The following PRDM1 variants were observed in gnomAD, a reference collection of about 807,000 sequenced individuals.
The protein encoded by PRDM1 is PR domain zinc finger protein 1.
PRDM1 carries 13 observed loss-of-function variants against 62.8 expected under a neutral mutation model. The observed-to-expected ratio is 0.21, with a 90% confidence interval of 0.13 to 0.33. The LOEUF is 0.33. Ranked by LOEUF, PRDM1 falls within the 10% of genes least tolerant of loss-of-function variation. The probability of loss-of-function intolerance (pLI) is 1.00; values close to 1 mark genes in which losing one functional copy is unlikely to be tolerated. For synonymous variants in PRDM1, 396 were observed against 417.6 expected, an observed-to-expected ratio of 0.95 and a Z score of 0.63; for missense variants, 895 against 1,058.8, an observed-to-expected ratio of 0.85 and a Z score of 2.15.
chr6:106,029,004 T>C (rs1230787213), intron 1 of PRDM1, among the ~76,000 whole-genome samples: 3 of 139,342 alleles, frequency 2.2e-5, no homozygotes, highest in Non-Finnish European at 4.6e-5. Flanking sequence ...CATTGCAACC[T>C]CCACCTCCTG....
At chr6:106,023,713 A>G (rs940781548) in intron 1 of PRDM1, among the ~76,000 whole-genome samples, 1 of 152,122 alleles carries the variant, frequency 6.6e-6, no homozygotes. Flanking sequence ...TTCGCATGCA[A>G]TTGTCCCAGA....
At chr6:106,104,436 TC>T (rs1467665413) in intron 4 of PRDM1, among the ~76,000 whole-genome samples, 1 of 152,086 alleles carries the variant, frequency 6.6e-6, no homozygotes, top group Non-Finnish European at 1.5e-5. Context: ...GTCTCGAACT[TC>T]CGACCTCAGG....
chr6:106,002,678 T>C (rs6904205), intron 1 of PRDM1, among the ~76,000 whole-genome samples: 118,531 of 152,058 alleles, frequency 0.78, 46,457 homozygotes, highest in South Asian at 0.88. Flanking sequence ...AGATTTATTT[T>C]CTTACTTATT....
chr6:106,030,843 T>C (rs188246071), intron 1 of PRDM1, among the ~76,000 whole-genome samples: 1 of 152,212 alleles, frequency 6.6e-6, no homozygotes, highest in Non-Finnish European at 1.5e-5. Flanking sequence ...AGATCAAATA[T>C]GTGCGGGTCT....
At position 106,108,679 on chromosome 6, in the gene PRDM1, A is replaced by C. The variant is rs1437337234; in HGVS notation, c.*1193A>C. 1 of 233,484 alleles carries C rather than the reference A, an allele frequency of 4.3e-6. No individual in the cohort carries two copies. Among genetic ancestry groups the C allele is most frequent in the African/African-American group, 2.2e-5 (1 of 45,248 alleles). 14.5% of individuals were successfully genotyped at this position (233,484 alleles called of 1,614,324 possible). On this transcript the variant is annotated 3_prime_UTR_variant, in exon 7 of 7. Coordinates refer to ENST00000369096, the MANE Select transcript of PRDM1 (RefSeq NM_001198.4). ...CATCTTGGGGTAAAAGCGGGTAATG[A>C]ACATTCCTATCCCCAACACATCAAT...
intron 1 of PRDM1, among the ~76,000 whole-genome samples, chr6:105,996,215 A>G (rs1582419811): frequency 6.6e-6 from 1 of 152,212 alleles, no homozygotes; most frequent in Admixed American, 6.5e-5. Flanking sequence ...TCAAATATGT[A>G]TAATTTAATC....
chr6:106,005,317 A>T (rs571636445), intron 1 of PRDM1, among the ~76,000 whole-genome samples: 4 of 152,314 alleles, frequency 2.6e-5, no homozygotes, highest in Admixed American at 2.6e-4. Flanking sequence ...GTTTGTCTCT[A>T]CTAAATAGTT....
chr6:105,997,504 A>G (rs938594424), intron 1 of PRDM1, among the ~76,000 whole-genome samples: 1 of 152,226 alleles, frequency 6.6e-6, no homozygotes, highest in African/African-American at 2.4e-5. Context: ...ATTAACATTA[A>G]TGACATTTCT....
chr6:106,103,127 C>T (rs1284772291), intron 4 of PRDM1, among the ~76,000 whole-genome samples: 4 of 151,970 alleles, frequency 2.6e-5, no homozygotes, highest in Admixed American at 6.6e-5. Context: ...CTTTCCATCA[C>T]GGCCCCCCCG....
intron 1 of PRDM1, among the ~76,000 whole-genome samples, chr6:105,995,479 G>A (rs1039658546): frequency 6.6e-6 from 1 of 152,216 alleles, no homozygotes; most frequent in Non-Finnish European, 1.5e-5. Context: ...CATTGCTGAA[G>A]CTACCATAGT....
chr6:106,037,030 A>G (rs1039824706), intron 1 of PRDM1, among the ~76,000 whole-genome samples: 5 of 152,082 alleles, frequency 3.3e-5, no homozygotes, highest in Non-Finnish European at 5.9e-5. Flanking sequence ...CTTTTATTTC[A>G]ACCTGCAAGA....
chr6:106,006,122 A>G (rs889964257), intron 1 of PRDM1, among the ~76,000 whole-genome samples: 2 of 152,214 alleles, frequency 1.3e-5, no homozygotes, highest in African/African-American at 4.8e-5. Flanking sequence ...CTGAGCATGG[A>G]AAGTGCTGTA....
chr6:106,080,233 G>C (rs1199116141), intron 1 of PRDM1, among the ~76,000 whole-genome samples: 1 of 152,244 alleles, frequency 6.6e-6, no homozygotes, highest in Non-Finnish European at 1.5e-5. Flanking sequence ...AGATTTGGCA[G>C]CTAGCAGTGA....
At position 106,106,518 on chromosome 6, in the gene PRDM1, G is replaced by A. The variant is rs769043916; in HGVS notation, c.1902+19G>A. On this transcript the variant is annotated intron_variant, in intron 6 of 6. Coordinates refer to ENST00000369096, the MANE Select transcript of PRDM1 (RefSeq NM_001198.4). The surrounding 1 kb of genome is among the most constrained non-coding windows in gnomAD (Gnocchi z 4.4). ...ATGCCAGGTGCGCAGTATTTTCTGG[G>A]TAGACCTTCTGACCTTTGTAGAAAA... 1.3e-5 allele frequency: 21 copies of A among 1,613,176 alleles called. No homozygotes were observed. In the East Asian group the frequency reaches 4.0e-4, roughly 31 times the overall value.
chr6:106,106,753 C>T lies in PRDM1; in HGVS notation c.1903-158C>T, dbSNP rs565626767. On this transcript the variant is annotated intron_variant, in intron 6 of 6. Transcript: ENST00000369096. This position sits in a 1 kb window ranked among gnomAD's most constrained non-coding sequence, Gnocchi z 4.4. ...CTCGTGTGCTGTGTGCCCACATCCC[C>T]CCGTTTGCTTAATACCACACTGGAG... Among the ~76,000 whole-genome samples, 24 of 152,290 alleles carry T rather than the reference C, an allele frequency of 1.6e-4. No homozygotes were observed. The highest frequency in any genetic ancestry group is 5.5e-4 in the African/African-American group (23 of 41,542).
intron 1 of PRDM1, among the ~76,000 whole-genome samples, chr6:106,003,735 C>T (rs1399027677): frequency 5.3e-5 from 8 of 152,074 alleles, no homozygotes; most frequent in Non-Finnish European, 8.8e-5. Context: ...TCCAATCAAA[C>T]GTTTTGTAGG....
chr6:106,104,499 C>T (rs569007846), intron 4 of PRDM1, among the ~76,000 whole-genome samples: 31 of 152,384 alleles, frequency 2.0e-4, no homozygotes, highest in Admixed American at 6.5e-5. Flanking sequence ...GCAAGAGCCA[C>T]TGCATCCAGC....
At chr6:106,056,464 G>T (rs1233247817) in intron 1 of PRDM1, among the ~76,000 whole-genome samples, 1 of 152,182 alleles carries the variant, frequency 6.6e-6, no homozygotes, top group Non-Finnish European at 1.5e-5. Context: ...TATCTGATCT[G>T]CTCCAGTATG....
intron 1 of PRDM1, among the ~76,000 whole-genome samples, chr6:106,065,437 G>A (rs534162379): frequency 2.0e-5 from 3 of 152,120 alleles, no homozygotes; most frequent in Non-Finnish European, 2.9e-5. Flanking sequence ...CTTTTATAGC[G>A]TCTCGTGTTG....
Sources: allele counts gnomAD v4.1 joint callset (sites outside exome capture counted in the v4.1 genomes callset), GRCh38; gene constraint gnomAD v4.1.1; non-coding constraint Gnocchi (gnomAD v3.1); transcripts MANE v1.5; gene names NCBI Gene and HGNC (gene_info 2026-07-23, HGNC 2026-07-21).